Variants in ARMC5 observed in about 807,000 individuals in gnomAD.
The protein encoded by ARMC5 is armadillo repeat containing 5.
Under a neutral mutation model 60.5 loss-of-function variants are expected in ARMC5, and 28 were observed. That is an observed-to-expected ratio of 0.46 (90% CI 0.34 to 0.63). The LOEUF (loss-of-function observed/expected upper bound fraction) is 0.63. Among genes scored for constraint, ARMC5 ranks in the 30% least tolerant of loss-of-function variants. The pLI, the probability that ARMC5 is intolerant of heterozygous loss-of-function variation, is 0.01. For missense variants in ARMC5, 1,189 were observed against 1,304.9 expected (o/e 0.91, Z 1.37); for synonymous variants, 680 against 607.3 (o/e 1.12, Z -1.76).
chr16:31,458,721 A>C (rs1396431617), upstream of ARMC5: 1 of 1,468,630 alleles, frequency 6.8e-7, no homozygotes, highest in Non-Finnish European at 9.0e-7. Flanking sequence ...CCACCTCGCA[A>C]TCCAGGGGTG....
upstream of ARMC5, chr16:31,459,430 T>G (rs1422948423): frequency 3.2e-6 from 5 of 1,540,750 alleles, no homozygotes; most frequent in Admixed American, 2.0e-5. Flanking sequence ...CTAAACAGCG[T>G]CAGCGAGGCG....
upstream of ARMC5, chr16:31,458,590 G>C: frequency 6.8e-7 from 1 of 1,472,698 alleles, no homozygotes; most frequent in Non-Finnish European, 9.1e-7. Context: ...GCACTCGCAG[G>C]TTTTGGGGCT....
intron 4 of ARMC5, 29 bp from the exon 5 acceptor site, chr16:31,465,821 T>G (rs1288279641): frequency 3.1e-6 from 5 of 1,606,208 alleles, no homozygotes; most frequent in Non-Finnish European, 4.2e-6. Context: ...AGACCCCAGT[T>G]CCCAGCCTGA....
In ARMC5 at chr16:31,466,578, G is replaced by A. The variant is rs901473571; in HGVS notation, c.2497G>A (p.Glu833Lys). ...CCAGCCCCTGCTGGGTTCAGAGGCC[G>A]AGGAGGCACTGGAGGCTGCTGGCCG... is the stretch of plus-strand genomic sequence containing the variant. Reference protein sequence around the residue: ...PGQPLLGSEAEEALEAAGRFL... With the variant: ...PGQPLLGSEAKEALEAAGRFL... The change falls in exon 6 of 6, where the codon GAG becomes AAG. Residue 833 changes from glutamate to lysine, a missense_variant. By Grantham distance (56) the Glu-to-Lys change is moderately conservative. Around this residue, in one of 2 missense-constraint regions of ARMC5, gnomAD observed 862 missense variants for 1,071.2 expected, o/e 0.80. Transcript: ENST00000268314. The surrounding 1 kb of genome is among the most constrained non-coding windows in gnomAD (Gnocchi z 8.0). 2.4e-5 allele frequency: 38 copies of A among 1,609,090 alleles called. No individual in the cohort carries two copies. Among genetic ancestry groups the A allele is most frequent in the Non-Finnish European group, 3.1e-5 (36 of 1,179,082 alleles).
In ARMC5 at chr16:31,459,615, A is replaced by T; in HGVS notation, c.91A>T (p.Lys31Ter). 6.3e-7 allele frequency: 1 copy of T among 1,599,368 alleles called. No individual in the cohort carries two copies. Among genetic ancestry groups the T allele is most frequent in the Non-Finnish European group, 8.5e-7 (1 of 1,179,296 alleles). Residue 31 changes from lysine to a stop codon, truncating the protein, a stop_gained, in exon 1 of 6, where the codon AAG becomes TAG. Transcript: ENST00000268314. LOFTEE classifies it high-confidence loss of function. Reference sequence around the variant, plus strand: ...GGCCGGGGAGGCTCTGGGTGGGGAAAAGGACCCAGCGACCAACGAGACACC... The same window carrying T: ...GGCCGGGGAGGCTCTGGGTGGGGAATAGGACCCAGCGACCAACGAGACACC... ...AAAGEALGGE[K>*]DPATNETPLS...
In ARMC5 at chr16:31,462,760, G is replaced by A. The variant is rs768158326; in HGVS notation, c.1213G>A (p.Gly405Ser). The A allele has an allele frequency of 3.7e-6, 6 of 1,613,948 alleles. No individual in the cohort carries two copies. The highest frequency in any genetic ancestry group is 2.5e-6 in the Non-Finnish European group (3 of 1,180,022). Residue 405 changes from glycine (G) to serine (S), a missense_variant, in exon 3 of 6, where the codon GGC (glycine) becomes AGC (serine). Coordinates refer to ENST00000268314, the MANE Select transcript of ARMC5 (RefSeq NM_001105247.2). This position sits in a 1 kb window ranked among gnomAD's most constrained non-coding sequence, Gnocchi z 7.2. Reference protein sequence around the residue: ...VGFLYDTGALGRLQALGLVPL... With the variant: ...VGFLYDTGALSRLQALGLVPL... ...GTTTCTGTATGACACTGGGGCCCTG[G>A]GCCGGCTGCAGGCTCTGGGACTTGT...
Position 31,459,887 on chromosome 16 carries a change from G to T in ARMC5, c.363G>T (p.Pro121=), listed in dbSNP as rs946954430. 3.7e-6 allele frequency: 6 copies of T among 1,605,376 alleles called. No individual in the cohort carries two copies. Among genetic ancestry groups the T allele is most frequent in the Admixed American group, 3.3e-5 (2 of 59,960 alleles). ...CTGTGTCGTCGTCTAGTCCTACGCC[G>T]CCAGTGCGCCTGCGCAAGACGCTGG... ...PSAVSSSSPT[P]PVRLRKTLDL... The change falls in exon 1 of 6, where the codon CCG becomes CCT. Residue 121 remains proline, a synonymous_variant. Transcript: ENST00000268314.
In ARMC5 at chr16:31,462,153, G is replaced by C. The variant is rs1045034837; in HGVS notation, c.606G>C (p.Glu202Asp). Reference sequence around the variant, plus strand: ...CAGGTGCTGTTCCCCTGCTTGTGGAGAGCCTGACAGCCTGCCAGGACTCGC... The same window carrying C: ...CAGGTGCTGTTCCCCTGCTTGTGGACAGCCTGACAGCCTGCCAGGACTCGC... ...HCAGAVPLLV[E>D]SLTACQDSQC... Residue 202 changes from glutamate (E) to aspartate (D), a missense_variant, in exon 3 of 6, where the codon GAG becomes GAC. Coordinates refer to ENST00000268314, the MANE Select transcript of ARMC5 (RefSeq NM_001105247.2). This position sits in a 1 kb window ranked among gnomAD's most constrained non-coding sequence, Gnocchi z 7.2. 1.9e-6 allele frequency: 3 copies of C among 1,612,262 alleles called. No individual in the cohort carries two copies. The highest frequency in any genetic ancestry group is 3.3e-5 in the Admixed American group (2 of 59,978).
intron 3 of ARMC5, among the ~76,000 whole-genome samples, chr16:31,463,425 G>A (rs1430228269): frequency 6.6e-6 from 1 of 152,078 alleles, no homozygotes; most frequent in Non-Finnish European, 1.5e-5. Context: ...TTGGTTCCAC[G>A]CCAGCACCTT....
upstream of ARMC5, chr16:31,459,435 G>A (rs766378143): frequency 3.9e-6 from 6 of 1,542,424 alleles, no homozygotes; most frequent in South Asian, 7.1e-5. Context: ...CAGCGTCAGC[G>A]AGGCGGTGCC....
At chr16:31,459,104 TG>T (rs1319386916), upstream of ARMC5, 10 of 1,478,880 alleles carry the variant, frequency 6.8e-6, no homozygotes, top group East Asian at 2.5e-5. Flanking sequence ...GCACCACCGC[TG>T]GGGGGCAGCG....
chr16:31,465,349 C>T (rs903110985), intron 4 of ARMC5: 104 of 1,391,542 alleles, frequency 7.5e-5, no homozygotes, highest in East Asian at 5.9e-4. Flanking sequence ...TGGCCCTGTC[C>T]GGGCATAACA....
rs1355589276 is a variant in ARMC5 at position 31,466,142 on chromosome 16, G to A, written c.2061G>A (p.Ala687=). The change falls in exon 6 of 6, where the codon GCG becomes GCA. Residue 687 remains alanine, a synonymous_variant. Coordinates refer to ENST00000268314, the MANE Select transcript of ARMC5 (RefSeq NM_001105247.2). This position sits in a 1 kb window ranked among gnomAD's most constrained non-coding sequence, Gnocchi z 8.0. ...EQGGLRLLLA[A]LTRPAPHPLF... is the part of the protein sequence containing the mutation. ...GTGGTCTCCGGCTCCTCCTTGCGGCGCTGACCCGGCCGGCCCCACACCCGC... is the reference window on the plus strand; with the variant it reads ...GTGGTCTCCGGCTCCTCCTTGCGGCACTGACCCGGCCGGCCCCACACCCGC... 7.5e-6 allele frequency: 12 copies of A among 1,605,938 alleles called. No individual in the cohort carries two copies. Among genetic ancestry groups the A allele is most frequent in the Non-Finnish European group, 9.3e-6 (11 of 1,179,766 alleles).
At chr16:31,463,104 CTT>C (rs35061558) in intron 3 of ARMC5, among the ~76,000 whole-genome samples, 187 bp downstream of exon 3, 1 of 147,958 alleles carries the variant, frequency 6.8e-6, no homozygotes. Flanking sequence ...CTGAGTCTAC[CTT>C]TTTTTTTTTC....
rs537788230 is a variant in ARMC5 at position 31,464,292 on chromosome 16, TAAAAAAAA to T, written c.1371-85_1371-78del. ...GCTATAGAGGGATACCACATTTCTT[TAAAAAAAA>T]AAAAAAAAAAAAAAAAGACGCCTCA... On this transcript the variant is annotated intron_variant, in intron 3 of 5. Coordinates refer to ENST00000268314, the MANE Select transcript of ARMC5 (RefSeq NM_001105247.2). This position sits in a 1 kb window ranked among gnomAD's most constrained non-coding sequence, Gnocchi z 7.6. The T allele has an allele frequency of 0.013, 6,564 of 499,446 alleles. 280 individuals are homozygous for T. The African/African-American group carries it at 0.14, about 11-fold the overall frequency. 30.9% of individuals were successfully genotyped at this position (499,446 alleles called of 1,614,324 possible).
intron 1 of ARMC5, 29 bp from the exon 2 acceptor site, chr16:31,461,893 A>C: frequency 1.9e-6 from 3 of 1,592,862 alleles, no homozygotes; most frequent in Middle Eastern, 1.7e-4. Flanking sequence ...AAGGGGTAGA[A>C]CCCTCACAAG....
Position 31,462,376 on chromosome 16 carries a change from C to G in ARMC5, c.829C>G (p.Leu277Val). ...CTGCTCCCGGGCCTGTGCTGAGCAG[C>G]TAAGTCTGGGTGGGGGATTGGGCCC... Reference protein sequence around the residue: ...RGCSRACAEQLSLGGGLGPLV... With the variant: ...RGCSRACAEQVSLGGGLGPLV... Residue 277 changes from leucine (L) to valine (V), a missense_variant, in exon 3 of 6, where the codon CTA becomes GTA. Leu to Val is a conservative substitution (Grantham distance 32). This residue lies in a region of ARMC5 where 862 missense variants were observed against 1,071.2 expected (regional missense o/e 0.80). Coordinates refer to ENST00000268314, the MANE Select transcript of ARMC5 (RefSeq NM_001105247.2). This position sits in a 1 kb window ranked among gnomAD's most constrained non-coding sequence, Gnocchi z 7.2. 1 of 1,609,532 alleles carries G rather than the reference C, an allele frequency of 6.2e-7. No homozygotes were observed. The highest frequency in any genetic ancestry group is 8.5e-7 in the Non-Finnish European group (1 of 1,177,304).
At chr16:31,463,787 T>A (rs898386546) in intron 3 of ARMC5, among the ~76,000 whole-genome samples, 13 of 152,116 alleles carry the variant, frequency 8.5e-5, no homozygotes. Context: ...TAACTCATGG[T>A]ACTCTTACTT....
Position 31,464,816 on chromosome 16 carries a change from T to C in ARMC5, c.1793T>C (p.Leu598Pro). ...GCGCTGCTGCGGGCCTGGCTGGTGC[T>C]GGGGGTGGCGCCTGACGATTGGCCG... Reference protein sequence around the residue: ...GAALLRAWLVLGVAPDDWPAP... With the variant: ...GAALLRAWLVPGVAPDDWPAP... The change falls in exon 4 of 6, where the codon CTG becomes CCG. Residue 598 changes from leucine to proline, a missense_variant. By Grantham distance (98) the Leu-to-Pro change is moderately conservative. This residue lies in a region of ARMC5 where 862 missense variants were observed against 1,071.2 expected (regional missense o/e 0.80). Coordinates refer to ENST00000268314, the MANE Select transcript of ARMC5 (RefSeq NM_001105247.2). This position sits in a 1 kb window ranked among gnomAD's most constrained non-coding sequence, Gnocchi z 7.6. 1.3e-6 allele frequency: 2 copies of C among 1,597,310 alleles called. No homozygotes were observed. Among genetic ancestry groups the C allele is most frequent in the Non-Finnish European group, 1.7e-6 (2 of 1,178,296 alleles).
Sources: gnomAD v4.1 joint callset for allele counts (sites outside exome capture counted in the v4.1 genomes callset) on GRCh38, gnomAD v4.1.1 for gene constraint, gnomAD v4.1.1 regional missense constraint, Gnocchi (gnomAD v3.1) non-coding constraint, MANE v1.5 for transcripts, NCBI Gene and HGNC (gene_info 2026-07-23, HGNC 2026-07-21) for gene names.